Variants in LRFN5 observed in about 807,000 individuals in gnomAD.
LRFN5 encodes leucine rich repeat and fibronectin type III domain containing 5.
Under a neutral mutation model 45.6 loss-of-function variants are expected in LRFN5, and 24 were observed. The observed-to-expected ratio is 0.53, with a 90% CI of 0.38 to 0.74. LRFN5 has a LOEUF of 0.74. LRFN5 is among the 30% of genes least tolerant of loss of function. The probability of loss-of-function intolerance (pLI) is 0.00; values close to 1 mark genes in which losing one functional copy is unlikely to be tolerated. For missense variants in LRFN5, 776 were observed against 861.5 expected, an observed-to-expected ratio of 0.90 and a Z score of 1.24; for synonymous variants, 340 against 313.8, an observed-to-expected ratio of 1.08 and a Z score of -0.88.
intron 2 of LRFN5, among the ~76,000 whole-genome samples, chr14:41,781,512 AAGGG>A (rs536194995): frequency 1.5e-5 from 2 of 137,310 alleles, no homozygotes; most frequent in Non-Finnish European, 1.6e-5. Flanking sequence ...GGGAGGGAGG[AAGGG>A]AGGGAGGGAG....
At position 41,891,550 on chromosome 14, in the gene LRFN5, G is replaced by A. The variant is rs139239177; in HGVS notation, c.1686G>A (p.Lys562=). Reference sequence around the variant, plus strand: ...TTTGCAACAATAATGGGCAACACAAGGTCACCAAGGTTAGCAATGTTTATT... The same window carrying A: ...TTTGCAACAATAATGGGCAACACAAAGTCACCAAGGTTAGCAATGTTTATT... The part of the protein sequence containing the change: ...YKVCNNNGQH[K]VTKVSNVYSQ... The change falls in exon 4 of 6, where the codon AAG becomes AAA. Residue 562 remains lysine, a synonymous_variant. Coordinates refer to ENST00000298119, the MANE Select transcript of LRFN5 (RefSeq NM_152447.5). 2.5e-6 allele frequency: 4 copies of A among 1,614,052 alleles called. No homozygotes were observed. Among genetic ancestry groups the A allele is most frequent in the African/African-American group, 1.3e-5 (1 of 74,912 alleles).
chr14:41,750,125 T>C (rs942989633), intron 1 of LRFN5, among the ~76,000 whole-genome samples: 3 of 151,898 alleles, frequency 2.0e-5, no homozygotes, highest in Non-Finnish European at 2.9e-5. Context: ...AAAAATTGTG[T>C]GTAAGTAATT....
At chr14:41,677,993 A>G (rs1218420985) in intron 1 of LRFN5, among the ~76,000 whole-genome samples, 1 of 152,050 alleles carries the variant, frequency 6.6e-6, no homozygotes, top group African/African-American at 2.4e-5. Context: ...TCTAATGAAA[A>G]TATTGTCAGA....
At chr14:41,877,168 G>A (rs527502746) in intron 2 of LRFN5, among the ~76,000 whole-genome samples, 5 of 152,078 alleles carry the variant, frequency 3.3e-5, no homozygotes, top group Admixed American at 1.3e-4. Flanking sequence ...TGAGAATATC[G>A]CTTACATTTC....
rs530498936 is a variant in LRFN5, at chr14:41,887,439, C to T, written c.814C>T (p.Arg272Cys). 1.4e-5 allele frequency: 23 copies of T among 1,614,128 alleles called. No homozygotes were observed. Among genetic ancestry groups the T allele is most frequent in the South Asian group, 5.5e-5 (5 of 91,084 alleles). ...TCASPPLLTGRYFWSIPEEEF... is the reference protein window; with the variant it reads ...TCASPPLLTGCYFWSIPEEEF... ...TGCTTCTCCTCCACTTTTAACTGGC[C>T]GCTACTTTTGGTCAATTCCTGAAGA... The change falls in exon 3 of 6, where the codon CGC (arginine) becomes TGC (cysteine). Residue 272 changes from arginine (R) to cysteine (C), a missense_variant. Physicochemically the swap from Arg to Cys is radical, Grantham distance 180. Transcript: ENST00000298119. This position sits in a 1 kb window ranked among gnomAD's most constrained non-coding sequence, Gnocchi z 4.8.
chr14:41,823,651 G>A (rs78368691), intron 2 of LRFN5, among the ~76,000 whole-genome samples: 2,030 of 152,180 alleles, frequency 0.013, 41 homozygotes, highest in African/African-American at 0.045. Flanking sequence ...GTATTTTTCA[G>A]TAGGTTTTTG....
intron 1 of LRFN5, among the ~76,000 whole-genome samples, chr14:41,625,786 A>C (rs1056110310): frequency 2.0e-5 from 3 of 152,164 alleles, no homozygotes; most frequent in Admixed American, 6.6e-5. Context: ...TGTCAAGTAC[A>C]ACATCAAAAA....
intron 2 of LRFN5, among the ~76,000 whole-genome samples, chr14:41,782,083 A>G (rs1234624328): frequency 1.3e-5 from 2 of 151,850 alleles, no homozygotes; most frequent in Admixed American, 6.6e-5. Context: ...AAAAAAAATT[A>G]TTGGTTATTA....
At chr14:41,847,460 T>G (rs899513058) in intron 2 of LRFN5, among the ~76,000 whole-genome samples, 2 of 152,104 alleles carry the variant, frequency 1.3e-5, no homozygotes, top group African/African-American at 2.4e-5. Flanking sequence ...ATAAGAAATG[T>G]TTTTTCTTGG....
chr14:41,792,132 A>T (rs1029643704), intron 2 of LRFN5, among the ~76,000 whole-genome samples: 1 of 152,052 alleles, frequency 6.6e-6, no homozygotes, highest in Non-Finnish European at 1.5e-5. Flanking sequence ...TAGGACCATG[A>T]TGTCTGCCTG....
intron 2 of LRFN5, among the ~76,000 whole-genome samples, chr14:41,774,261 G>T (rs1293097106): frequency 1.3e-5 from 2 of 152,190 alleles, no homozygotes; most frequent in African/African-American, 2.4e-5. Context: ...ATTGTAATGA[G>T]CAATCTATTT....
chr14:41,646,745 A>G (rs1879835134), intron 1 of LRFN5, among the ~76,000 whole-genome samples: 1 of 152,192 alleles, frequency 6.6e-6, no homozygotes, highest in Non-Finnish European at 1.5e-5. Context: ...GACAATGCTC[A>G]CTGGTACTAA....
At chr14:41,667,556 G>A (rs892111079) in intron 1 of LRFN5, among the ~76,000 whole-genome samples, 4 of 152,108 alleles carry the variant, frequency 2.6e-5, no homozygotes, top group African/African-American at 9.7e-5. Flanking sequence ...TGGTGTCCAC[G>A]CTCCTGCCCC....
At chr14:41,775,087 C>CTTCTTCTTT (rs1555316701) in intron 2 of LRFN5, among the ~76,000 whole-genome samples, 3 of 60,902 alleles carry the variant, frequency 4.9e-5, no homozygotes, top group East Asian at 2.5e-3. Flanking sequence ...GCTACTTTTT[C>CTTCTTCTTT]TTTTTCTTTT....
chr14:41,632,551 C>G (rs537724898), intron 1 of LRFN5, among the ~76,000 whole-genome samples: 6 of 152,062 alleles, frequency 3.9e-5, no homozygotes, highest in Admixed American at 3.9e-4. Context: ...TGCCGTGAGC[C>G]GAGATCGCAC....
chr14:41,614,798 A>G (rs12100864), intron 1 of LRFN5, among the ~76,000 whole-genome samples: 3,286 of 152,144 alleles, frequency 0.022, 109 homozygotes, highest in African/African-American at 0.072. Context: ...TTTCAGTGAT[A>G]TAGTTCATTA....
intron 2 of LRFN5, among the ~76,000 whole-genome samples, chr14:41,822,857 T>G (rs1331453277): frequency 1.9e-5 from 2 of 105,984 alleles, no homozygotes; most frequent in Non-Finnish European, 2.3e-5. Flanking sequence ...AGGGTTGTTT[T>G]TTTTTTTTTT....
At chr14:41,709,410 G>T (rs1019458592) in intron 1 of LRFN5, among the ~76,000 whole-genome samples, 1 of 151,884 alleles carries the variant, frequency 6.6e-6, no homozygotes, top group African/African-American at 2.4e-5. Flanking sequence ...ATATTTTTGA[G>T]GACTAGAACT....
intron 1 of LRFN5, among the ~76,000 whole-genome samples, chr14:41,641,561 T>C (rs962562226): frequency 1.3e-5 from 2 of 152,096 alleles, no homozygotes; most frequent in African/African-American, 4.8e-5. Context: ...TGAAATGGCT[T>C]TTCTATACTT....
Sources: allele counts gnomAD v4.1 joint callset (sites outside exome capture counted in the v4.1 genomes callset), GRCh38; gene constraint gnomAD v4.1.1; non-coding constraint Gnocchi (gnomAD v3.1); transcripts MANE v1.5; gene names NCBI Gene and HGNC (gene_info 2026-07-23, HGNC 2026-07-21).